The following INPP4B variants were observed in gnomAD, a reference collection of about 807,000 sequenced individuals.
INPP4B encodes the protein inositol polyphosphate-4-phosphatase type II B, also known as inositol polyphosphate 4-phosphatase type II.
INPP4B carries 55 observed loss-of-function variants against 122.5 expected under a neutral mutation model. The ratio of observed to expected loss-of-function variants is 0.45; its 90% CI spans 0.36 to 0.56. INPP4B has a LOEUF of 0.56. Ranked by LOEUF, INPP4B falls within the 20% of genes least tolerant of loss-of-function variation. The pLI, the probability that INPP4B is intolerant of heterozygous loss-of-function variation, is 0.00. For missense variants in INPP4B, 1,000 were observed against 1,097.7 expected (o/e 0.91, Z 1.26); for synonymous variants, 403 against 388.7 (o/e 1.04, Z -0.43).
intron 1 of INPP4B, among the ~76,000 whole-genome samples, chr4:142,746,835 C>T (rs765912412): frequency 3.9e-5 from 6 of 152,140 alleles, no homozygotes; most frequent in Non-Finnish European, 8.8e-5. Context: ...AAAGCTGAAA[C>T]TGGATCCCTT....
At chr4:142,623,913 G>C (rs1234568191) in intron 2 of INPP4B, among the ~76,000 whole-genome samples, 1 of 151,884 alleles carries the variant, frequency 6.6e-6, no homozygotes, top group Admixed American at 6.6e-5. Flanking sequence ...ATTTTTTATG[G>C]CTGCATAGTA....
In INPP4B at chr4:142,644,064, G is replaced by T. The variant is rs148459444; in HGVS notation, c.-191+81775C>A. On this transcript the variant is annotated intron_variant, in intron 2 of 25. Transcript: ENST00000262992. Reference sequence around the variant, plus strand: ...AAAACTAAAAAAATTAGCCAGGTGTGGTGGCAGGTGCCTATAGTCCTAGCT... The same window carrying T: ...AAAACTAAAAAAATTAGCCAGGTGTTGTGGCAGGTGCCTATAGTCCTAGCT... Among the ~76,000 whole-genome samples the T allele has an allele frequency of 9.3e-3, 1,422 of 152,108 alleles. 6 individuals carry two copies. The highest frequency in any genetic ancestry group is 0.016 in the Non-Finnish European group (1,077 of 68,008).
intron 1 of INPP4B, among the ~76,000 whole-genome samples, chr4:142,739,225 T>C (rs1354403548): frequency 5.3e-5 from 8 of 152,138 alleles, no homozygotes; most frequent in Middle Eastern, 3.2e-3. Context: ...ATCACTGTTT[T>C]AACGAAATTC....
At chr4:142,434,170 T>C (rs1047005700) in intron 3 of INPP4B, among the ~76,000 whole-genome samples, 9 of 152,186 alleles carry the variant, frequency 5.9e-5, no homozygotes, top group African/African-American at 2.2e-4. Context: ...GCTAAATCCT[T>C]TACCTCTCAT....
intron 2 of INPP4B, among the ~76,000 whole-genome samples, chr4:142,631,564 A>C (rs1580560721): frequency 1.3e-5 from 2 of 152,268 alleles, no homozygotes; most frequent in East Asian, 3.9e-4. Context: ...TTTATTGAGG[A>C]CATTAAGCCA....
chr4:142,270,927 A>G (rs1421103640), intron 9 of INPP4B, among the ~76,000 whole-genome samples, 153 bp from the exon 10 acceptor site: 1 of 149,104 alleles, frequency 6.7e-6, no homozygotes, highest in Non-Finnish European at 1.5e-5. Context: ...TTAATAGGGT[A>G]GGTGTTTGTG....
At chr4:142,593,934 T>C (rs925536604) in intron 2 of INPP4B, among the ~76,000 whole-genome samples, 2 of 152,030 alleles carry the variant, frequency 1.3e-5, no homozygotes, top group Non-Finnish European at 2.9e-5. Context: ...ATTTGTTTTA[T>C]TGCTTATTAT....
intron 2 of INPP4B, among the ~76,000 whole-genome samples, chr4:142,511,154 C>G (rs1323085941): frequency 6.6e-6 from 1 of 152,042 alleles, no homozygotes; most frequent in Non-Finnish European, 1.5e-5. Context: ...TTTTAACTTT[C>G]TCATACATTC....
At chr4:142,768,432 A>G (rs1207939289) in intron 1 of INPP4B, among the ~76,000 whole-genome samples, 1 of 152,182 alleles carries the variant, frequency 6.6e-6, no homozygotes, top group Admixed American at 6.5e-5. Flanking sequence ...CAGAGGTCAT[A>G]GCAGTCAGAA....
At chr4:142,764,062 T>C (rs1167330728) in intron 1 of INPP4B, among the ~76,000 whole-genome samples, 5 of 151,820 alleles carry the variant, frequency 3.3e-5, no homozygotes, top group Non-Finnish European at 7.4e-5. Context: ...ATTAATAATT[T>C]ATGAGAGCGT....
At chr4:142,139,663 C>T (rs935893868) in intron 18 of INPP4B, among the ~76,000 whole-genome samples, 5 of 152,158 alleles carry the variant, frequency 3.3e-5, no homozygotes, top group African/African-American at 1.2e-4. Flanking sequence ...GAACCAAAGA[C>T]AAAAGATGGG....
intron 8 of INPP4B, among the ~76,000 whole-genome samples, chr4:142,312,175 T>C (rs1308177200): frequency 6.6e-6 from 1 of 152,214 alleles, no homozygotes; most frequent in Non-Finnish European, 1.5e-5. Context: ...CCCCATTGTA[T>C]GTTCAAAGAA....
intron 1 of INPP4B, among the ~76,000 whole-genome samples, chr4:142,802,145 A>G (rs1012303916): frequency 2.0e-5 from 3 of 152,136 alleles, no homozygotes; most frequent in African/African-American, 4.8e-5. Flanking sequence ...CCTACCCAGA[A>G]GACATTTCAC....
chr4:142,402,913 G>T (rs780927448), intron 7 of INPP4B, 25 bp downstream of exon 7: 5 of 1,156,252 alleles, frequency 4.3e-6, no homozygotes, highest in Non-Finnish European at 6.5e-6. Flanking sequence ...TTTTCCCAAA[G>T]AAAGAAAGAA....
intron 3 of INPP4B, among the ~76,000 whole-genome samples, chr4:142,452,153 G>A (rs775235407): frequency 6.6e-6 from 1 of 152,188 alleles, no homozygotes; most frequent in African/African-American, 2.4e-5. Flanking sequence ...AACATGTGGT[G>A]TTTGGTTTTC....
intron 1 of INPP4B, among the ~76,000 whole-genome samples, chr4:142,786,683 T>C (rs191001193): frequency 2.0e-3 from 301 of 152,238 alleles, no homozygotes; most frequent in African/African-American, 6.8e-3. Flanking sequence ...GTTGACAATA[T>C]GTACCCTCAA....
chr4:142,529,007 G>T (rs1037828337), intron 2 of INPP4B, among the ~76,000 whole-genome samples: 2 of 152,006 alleles, frequency 1.3e-5, no homozygotes, highest in African/African-American at 2.4e-5. Flanking sequence ...TTTTTCAAAA[G>T]AAAAATTTTT....
chr4:142,188,518 A>AAAAAAAATATATATATAT (rs1834267141), intron 15 of INPP4B, among the ~76,000 whole-genome samples: 1 of 105,096 alleles, frequency 9.5e-6, no homozygotes, highest in African/African-American at 3.3e-5. Flanking sequence ...AAAGAAAAAA[A>AAAAAAAATATATATATAT]ATATATATAG....
chr4:142,370,159 C>T lies in INPP4B; in HGVS notation c.372+32779G>A, dbSNP rs892665499. On this transcript the variant is annotated intron_variant, in intron 7 of 25. Transcript: ENST00000262992. ...GTTAGATGCTCAAGGTCACAGACAG[C>T]CAATAAATACTCAAACCCAAGTCAT... Among the ~76,000 whole-genome samples the T allele has an allele frequency of 2.0e-5, 3 of 152,062 alleles. No homozygotes were observed. In the South Asian group the frequency reaches 6.2e-4, roughly 31 times the overall value.
Sources: allele counts gnomAD v4.1 joint callset (sites outside exome capture counted in the v4.1 genomes callset), GRCh38; gene constraint gnomAD v4.1.1; transcripts MANE v1.5; gene names NCBI Gene and HGNC (gene_info 2026-07-23, HGNC 2026-07-21).